PIGZ: variants seen among roughly 807,000 people sequenced by gnomAD.
PIGZ encodes phosphatidylinositol glycan anchor biosynthesis class Z (Gwada blood group).
PIGZ carries 16 observed loss-of-function variants against 16.4 expected under a neutral mutation model. The ratio of observed to expected loss-of-function variants is 0.97; its 90% CI spans 0.66 to 1.48. The LOEUF (loss-of-function observed/expected upper bound fraction) is 1.48. PIGZ is among the 40% of genes most tolerant of loss of function. The probability of loss-of-function intolerance (pLI) is 0.00; values close to 1 mark genes in which losing one functional copy is unlikely to be tolerated. For synonymous variants in PIGZ, 409 were observed against 338.4 expected (o/e 1.21, Z -2.29); for missense variants, 770 against 739.2 (o/e 1.04, Z -0.48).
intron 1 of PIGZ, among the ~76,000 whole-genome samples, chr3:196,956,398 A>C (rs888871223): frequency 5.3e-5 from 8 of 152,220 alleles, no homozygotes; most frequent in African/African-American, 1.9e-4. Flanking sequence ...GAAGCAAGCG[A>C]ATGAGACGCA....
chr3:196,956,382 G>A (rs112471191), intron 1 of PIGZ, among the ~76,000 whole-genome samples: 7 of 152,158 alleles, frequency 4.6e-5, no homozygotes, highest in African/African-American at 1.2e-4. Context: ...AGAAGCAAAC[G>A]AATGAGAAGC....
chr3:196,951,422 C>T (rs1264179616), intron 2 of PIGZ: 1 of 270,860 alleles, frequency 3.7e-6, no homozygotes, highest in Admixed American at 4.9e-5. Context: ...TCCCTTACCC[C>T]TCTCTTGAAT....
Position 196,948,553 on chromosome 3 carries a change from G to C in PIGZ, c.344C>G (p.Pro115Arg), listed in dbSNP as rs199852771. 2.5e-6 allele frequency: 4 copies of C among 1,602,920 alleles called. No homozygotes were observed. The highest frequency in any genetic ancestry group is 3.4e-6 in the Non-Finnish European group (4 of 1,175,090). Reference protein sequence around the residue: ...WLLRLWEELGPWPGLVSGYAL... With the variant: ...WLLRLWEELGRWPGLVSGYAL... Reference sequence around the variant, plus strand: ...ATAGCCGCTCACCAGGCCAGGCCACGGCCCCAGCTCCTCCCAGAGCCTGAG... The same window carrying C: ...ATAGCCGCTCACCAGGCCAGGCCACCGCCCCAGCTCCTCCCAGAGCCTGAG... Residue 115 changes from proline (P) to arginine (R), a missense_variant, in exon 3 of 3, where the codon CCG becomes CGG. Physicochemically the swap from Pro to Arg is moderately radical, Grantham distance 103 (BLOSUM62 -2). Transcript: ENST00000412723.
chr3:196,957,171 TTG>T (rs3042833), intron 1 of PIGZ, among the ~76,000 whole-genome samples: 48,356 of 146,384 alleles, frequency 0.33, 8,325 homozygotes, highest in East Asian at 0.77. Flanking sequence ...GCTCCAGGTT[TTG>T]TGTGTGTGTG....
intron 1 of PIGZ, among the ~76,000 whole-genome samples, chr3:196,955,871 G>A (rs1475497145): frequency 2.6e-5 from 4 of 151,808 alleles, no homozygotes; most frequent in East Asian, 1.9e-4. Context: ...CAGCCACTGC[G>A]CCCGGCCAAT....
At chr3:196,949,334 T>A (rs1470688140) in intron 2 of PIGZ, among the ~76,000 whole-genome samples, 4 of 152,096 alleles carry the variant, frequency 2.6e-5, no homozygotes, top group Non-Finnish European at 5.9e-5. Flanking sequence ...AATCTTTTAA[T>A]AACAGAGTTT....
chr3:196,961,656 G>A (rs168047), intron 1 of PIGZ, among the ~76,000 whole-genome samples: 9 of 152,174 alleles, frequency 5.9e-5, no homozygotes, highest in South Asian at 2.1e-4. Context: ...GTCCCTTGCC[G>A]CTTCTCAGGT....
At chr3:196,953,860 G>A (rs1297777177) in intron 1 of PIGZ, among the ~76,000 whole-genome samples, 1 of 149,260 alleles carries the variant, frequency 6.7e-6, no homozygotes, top group Non-Finnish European at 1.5e-5. Context: ...GGACACAGTG[G>A]TGTGTGCTGG....
chr3:196,952,905 G>T (rs1717346603), intron 1 of PIGZ, among the ~76,000 whole-genome samples: 1 of 152,178 alleles, frequency 6.6e-6, no homozygotes, highest in African/African-American at 2.4e-5. Context: ...CGGTGCTCCT[G>T]GTTCTTGGGT....
In PIGZ at chr3:196,948,091, G is replaced by A. The variant is rs771674003; in HGVS notation, c.806C>T (p.Ala269Val). 2.5e-6 allele frequency: 4 copies of A among 1,590,938 alleles called. No homozygotes were observed. Among genetic ancestry groups the A allele is most frequent in the South Asian group, 1.1e-5 (1 of 88,034 alleles). ...GCTGTCCGTGGCCACAAACACCGCT[G>A]CTGTGAGGGCTGCCCCAGGGAGCAG... ...LVLLPGAALTAAVFVATDSWY... is the reference protein window; with the variant it reads ...LVLLPGAALTVAVFVATDSWY... Residue 269 changes from alanine to valine, a missense_variant, in exon 3 of 3, where the codon GCA (alanine) becomes GTA (valine). Physicochemically the swap from Ala to Val is moderately conservative, Grantham distance 64. Transcript: ENST00000412723.
At chr3:196,968,204 C>CCCGAGG (rs1179601670) in intron 1 of PIGZ, among the ~76,000 whole-genome samples, 1 of 152,186 alleles carries the variant, frequency 6.6e-6, no homozygotes, top group Non-Finnish European at 1.5e-5. Context: ...AAGTGCAGCC[C>CCCGAGG]CCGAGGCCGG....
At chr3:196,950,884 A>G (rs1717253492) in intron 2 of PIGZ, among the ~76,000 whole-genome samples, 1 of 151,942 alleles carries the variant, frequency 6.6e-6, no homozygotes, top group Non-Finnish European at 1.5e-5. Flanking sequence ...AGCTGGGATT[A>G]CAGGCGCCTG....
chr3:196,948,282 C>T lies in PIGZ; in HGVS notation c.615G>A (p.Pro205=), dbSNP rs747114833. 1.5e-5 allele frequency: 24 copies of T among 1,613,988 alleles called. No homozygotes were observed. The highest frequency in any genetic ancestry group is 2.7e-5 in the African/African-American group (2 of 74,926). Residue 205 remains proline (P), a synonymous_variant, in exon 3 of 3, where the codon CCG becomes CCA. Transcript: ENST00000412723. ...HVTWGPTRKE[P]APGPRWRSWL... ...AGCTGCGCCACCGTGGACCCGGCGC[C>T]GGCTCCTTGCGTGTAGGGCCCCACG...
chr3:196,953,816 A>G, intron 1 of PIGZ, among the ~76,000 whole-genome samples: 1 of 148,322 alleles, frequency 6.7e-6, no homozygotes, highest in East Asian at 1.9e-4. Context: ...CCTGGGCAGC[A>G]AAGTGAGATC....
intron 1 of PIGZ, among the ~76,000 whole-genome samples, chr3:196,963,517 CT>C (rs1717802652): frequency 1.3e-5 from 2 of 152,204 alleles, no homozygotes; most frequent in Non-Finnish European, 2.9e-5. Context: ...TGATTTGCAC[CT>C]GCATTTCTCT....
Position 196,952,026 on chromosome 3 carries a change from C to T in PIGZ, c.6G>A (p.Gln2=), listed in dbSNP as rs139328732. 64 of 1,613,338 alleles carry T rather than the reference C, an allele frequency of 4.0e-5. No individual in the cohort carries two copies. The highest frequency in any genetic ancestry group is 5.3e-5 in the Non-Finnish European group (63 of 1,179,616). Residue 2 remains glutamine, a synonymous_variant, in exon 2 of 3, where the codon CAG becomes CAA. Transcript: ENST00000412723. The part of the protein sequence containing the change: M[Q]ICGSSVASVA... ...CAGATGCTACGCTGGATCCACAGAT[C>T]TGCATCTGTTGAGGATAACAGTTGT...
At chr3:196,955,309 A>T (rs1717436268) in intron 1 of PIGZ, among the ~76,000 whole-genome samples, 1 of 152,212 alleles carries the variant, frequency 6.6e-6, no homozygotes, top group Admixed American at 6.5e-5. Context: ...AGCTCATGAA[A>T]TAGTTGACTT....
chr3:196,961,215 T>A (rs1219776922), intron 1 of PIGZ, among the ~76,000 whole-genome samples: 1 of 152,190 alleles, frequency 6.6e-6, no homozygotes, highest in African/African-American at 2.4e-5. Context: ...AATGCAATAG[T>A]TCCAGTGCTG....
intron 1 of PIGZ, among the ~76,000 whole-genome samples, chr3:196,966,413 T>A (rs1717927811): frequency 6.6e-6 from 1 of 152,240 alleles, no homozygotes. Context: ...CCAAGAAGTC[T>A]TCCCTAACCC....
Sources: gnomAD v4.1 joint callset for allele counts (sites outside exome capture counted in the v4.1 genomes callset) on GRCh38, gnomAD v4.1.1 for gene constraint, MANE v1.5 for transcripts, NCBI Gene and HGNC (gene_info 2026-07-23, HGNC 2026-07-21) for gene names.